The following ATE1 variants were observed in gnomAD, a reference collection of about 807,000 sequenced individuals.
ATE1 encodes arginyl-tRNA--protein transferase 1.
In ATE1, 36 loss-of-function variants were observed where a neutral mutation model predicts 70.5. The observed-to-expected ratio is 0.51, with a 90% CI of 0.39 to 0.67. The LOEUF (loss-of-function observed/expected upper bound fraction) is 0.67. ATE1 is among the 30% of genes least tolerant of loss of function. The pLI is 0.00. For synonymous variants in ATE1, 232 were observed against 219.3 expected, an observed-to-expected ratio of 1.06 and a Z score of -0.51; for missense variants, 593 against 629.5, an observed-to-expected ratio of 0.94 and a Z score of 0.62.
chr10:121,765,512 C>T (rs1056773599), intron 11 of ATE1, among the ~76,000 whole-genome samples: 5 of 152,050 alleles, frequency 3.3e-5, no homozygotes, highest in African/African-American at 4.8e-5. Context: ...GGAAAAAATC[C>T]GCATCATATA....
Position 121,890,470 on chromosome 10 carries a change from T to C in ATE1, c.942+9396A>G, listed in dbSNP as rs1950543358. 2.6e-5 allele frequency among the ~76,000 whole-genome samples: 4 copies of C among 152,284 alleles called. No individual in the cohort carries two copies. In the South Asian group the frequency reaches 8.3e-4, roughly 32 times the overall value. ...AAAGCAAAGAAAAACTAACAACTGT[T>C]GAAACTAGGTGAGGGATGTACAGGT... is the stretch of plus-strand genomic sequence containing the variant. On this transcript the variant is annotated intron_variant, in intron 7 of 11. Coordinates refer to ENST00000224652, the MANE Select transcript of ATE1 (RefSeq NM_001001976.3).
intron 5 of ATE1, among the ~76,000 whole-genome samples, chr10:121,904,283 A>G (rs1217947795): frequency 2.6e-5 from 4 of 151,150 alleles, no homozygotes; most frequent in Non-Finnish European, 4.4e-5. Context: ...CACCTGGCCG[A>G]ATTTTCCAAC....
intron 8 of ATE1, among the ~76,000 whole-genome samples, chr10:121,855,580 G>A (rs947130171): frequency 1.3e-5 from 2 of 152,092 alleles, no homozygotes; most frequent in South Asian, 2.1e-4. Flanking sequence ...CGAAAAAGCC[G>A]TTATTTCTCA....
chr10:121,825,834 C>T (rs1348538068), intron 10 of ATE1, among the ~76,000 whole-genome samples: 1 of 152,114 alleles, frequency 6.6e-6, no homozygotes, highest in Admixed American at 6.6e-5. Flanking sequence ...TACGGGTATA[C>T]ACAAAGAAGG....
intron 9 of ATE1, among the ~76,000 whole-genome samples, chr10:121,838,732 T>C (rs551288428): frequency 6.6e-6 from 1 of 152,302 alleles, no homozygotes; most frequent in Middle Eastern, 3.4e-3. Flanking sequence ...ATGAGTGTAA[T>C]TACCTTTTTA....
intron 10 of ATE1, among the ~76,000 whole-genome samples, chr10:121,817,547 A>AAAG (rs1947607623): frequency 6.6e-6 from 1 of 151,812 alleles, no homozygotes; most frequent in East Asian, 1.9e-4. Context: ...TCAAAAAAAA[A>AAAG]AAAGAAGAGC....
chr10:121,867,046 A>G (rs887303229), intron 8 of ATE1, among the ~76,000 whole-genome samples: 4 of 152,110 alleles, frequency 2.6e-5, no homozygotes, highest in African/African-American at 9.7e-5. Flanking sequence ...GAACTTGTCT[A>G]CTTTTAGCTG....
At chr10:121,794,661 T>A (rs1311705838) in intron 10 of ATE1, among the ~76,000 whole-genome samples, 209 of 65,586 alleles carry the variant, frequency 3.2e-3, no homozygotes, top group Admixed American at 4.4e-3. Flanking sequence ...GAATGTCTGG[T>A]AAAAAAAAAA....
rs113631034 is a variant in ATE1, at chr10:121,899,656, T to C, written c.942+210A>G. Among the ~76,000 whole-genome samples the C allele has an allele frequency of 2.5e-3, 384 of 152,356 alleles. 3 individuals carry two copies. The highest frequency in any genetic ancestry group is 8.9e-3 in the African/African-American group (371 of 41,594). On this transcript the variant is annotated intron_variant, in intron 7 of 11. Transcript: ENST00000224652. ...AAATAATTTTACATGTTACTTTGACTCTGAAATTATACATGGCTGGTACTT... is the reference window on the plus strand; with the variant it reads ...AAATAATTTTACATGTTACTTTGACCCTGAAATTATACATGGCTGGTACTT...
chr10:121,802,493 G>C (rs1484933985), intron 10 of ATE1, among the ~76,000 whole-genome samples: 1 of 151,948 alleles, frequency 6.6e-6, no homozygotes. Flanking sequence ...ATTTTTAGTA[G>C]AGACAGGGTT....
chr10:121,827,301 T>C (rs1210903098), intron 10 of ATE1, among the ~76,000 whole-genome samples: 1 of 152,218 alleles, frequency 6.6e-6, no homozygotes. Flanking sequence ...CATGAGCCAC[T>C]GTGCCCAGCA....
chr10:121,849,017 C>G (rs1948953409), intron 8 of ATE1, among the ~76,000 whole-genome samples: 1 of 151,952 alleles, frequency 6.6e-6, no homozygotes, highest in Non-Finnish European at 1.5e-5. Flanking sequence ...TGAAGACCAG[C>G]CTGGCCAACG....
chr10:121,856,824 G>C (rs74994328), intron 8 of ATE1, among the ~76,000 whole-genome samples: 1 of 152,206 alleles, frequency 6.6e-6, no homozygotes, highest in East Asian at 1.9e-4. Context: ...GTGTATCTGA[G>C]AAGTGCAACG....
At chr10:121,846,267 T>G (rs536249810) in intron 8 of ATE1, among the ~76,000 whole-genome samples, 1 of 152,254 alleles carries the variant, frequency 6.6e-6, no homozygotes, top group African/African-American at 2.4e-5. Flanking sequence ...GACTTTATAA[T>G]CCCAAGTATG....
intron 10 of ATE1, among the ~76,000 whole-genome samples, chr10:121,791,069 T>TATATATATGTATACAC (rs776335183): frequency 9.7e-6 from 1 of 102,938 alleles, no homozygotes; most frequent in Non-Finnish European, 2.1e-5. Context: ...TGTGTGTGTG[T>TATATATATGTATACAC]GTGTGTGTGT....
Position 121,927,965 on chromosome 10 carries a change from A to G in ATE1, c.-16T>C. The G allele has an allele frequency of 6.6e-7, 1 of 1,514,372 alleles. No homozygotes were observed. The highest frequency in any genetic ancestry group is 2.1e-5 in the Admixed American group (1 of 48,572). 93.8% of individuals were successfully genotyped at this position (1,514,372 alleles called of 1,614,324 possible). On this transcript the variant is annotated 5_prime_UTR_variant, in exon 1 of 12. Coordinates refer to ENST00000224652, the MANE Select transcript of ATE1 (RefSeq NM_001001976.3). Reference sequence around the variant, plus strand: ...AGAAAGCCATGGCCTCGGCCCCGCGAACGCTCAGCCGCCCGGCCCCGCGTC... The same window carrying G: ...AGAAAGCCATGGCCTCGGCCCCGCGGACGCTCAGCCGCCCGGCCCCGCGTC...
chr10:121,867,433 A>G (rs1208865538), intron 8 of ATE1, among the ~76,000 whole-genome samples: 2 of 152,102 alleles, frequency 1.3e-5, no homozygotes, highest in East Asian at 3.9e-4. Context: ...TCATTCCTCT[A>G]ATCTTTTGCT....
chr10:121,909,164 A>G (rs1319944655), intron 5 of ATE1, among the ~76,000 whole-genome samples: 1 of 152,074 alleles, frequency 6.6e-6, no homozygotes, highest in Non-Finnish European at 1.5e-5. Context: ...AATATTTTGT[A>G]TTTCTAGTAC....
At chr10:121,823,514 A>C (rs1225121402) in intron 10 of ATE1, among the ~76,000 whole-genome samples, 1 of 152,214 alleles carries the variant, frequency 6.6e-6, no homozygotes, top group Non-Finnish European at 1.5e-5. Context: ...AGTGCAAGAC[A>C]ACACACAGAG....
Sources: allele counts gnomAD v4.1 joint callset (sites outside exome capture counted in the v4.1 genomes callset), GRCh38; gene constraint gnomAD v4.1.1; transcripts MANE v1.5; gene names NCBI Gene and HGNC (gene_info 2026-07-23, HGNC 2026-07-21).